The following SNRPN variants were observed in gnomAD, a reference collection of about 807,000 sequenced individuals.
SNRPN encodes the protein small nuclear ribonucleoprotein-associated protein N.
Under a neutral mutation model 25.2 loss-of-function variants are expected in SNRPN, and 7 were observed. That is an observed-to-expected ratio of 0.28 (90% CI 0.16 to 0.52). The LOEUF (loss-of-function observed/expected upper bound fraction) is 0.52. Ranked by LOEUF, SNRPN falls within the 20% of genes least tolerant of loss-of-function variation. SNRPN has a pLI of 0.96. For synonymous variants in SNRPN, 124 were observed against 110.6 expected, an observed-to-expected ratio of 1.12 and a Z score of -0.76; for missense variants, 196 against 322.5, an observed-to-expected ratio of 0.61 and a Z score of 3.00.
chr15:24,854,001 T>A (rs2053138642), upstream of SNRPN, among the ~76,000 whole-genome samples: 5 of 152,182 alleles, frequency 3.3e-5, no homozygotes, highest in African/African-American at 7.2e-5. Context: ...TCCATTTGTT[T>A]TATATATTTT....
chr15:24,909,274 A>G, intron 2 of SNRPN: 1 of 1,600,934 alleles, frequency 6.2e-7, no homozygotes, highest in Non-Finnish European at 8.5e-7. Flanking sequence ...TTTCAGAACC[A>G]TAACCAGGGA....
chr15:24,866,515 A>G (rs1035838652), intron 1 of SNRPN, among the ~76,000 whole-genome samples: 1 of 152,174 alleles, frequency 6.6e-6, no homozygotes, highest in Admixed American at 6.5e-5. Flanking sequence ...CTCCTGCCTC[A>G]GCTTCCTGAG....
chr15:24,970,139 G>A (rs2076217504), intron 3 of SNRPN, among the ~76,000 whole-genome samples: 1 of 152,184 alleles, frequency 6.6e-6, no homozygotes, highest in African/African-American at 2.4e-5. Context: ...ACAATCAGAT[G>A]AATTTCTTGG....
intron 1 of SNRPN, among the ~76,000 whole-genome samples, chr15:24,828,806 GA>G (rs894418523): frequency 4.0e-5 from 6 of 151,726 alleles, no homozygotes; most frequent in Admixed American, 1.3e-4. Context: ...TGGAAATCAA[GA>G]AAAAAAATTG....
chr15:24,899,724 A>C (rs1043878567), intron 2 of SNRPN, among the ~76,000 whole-genome samples: 1 of 152,190 alleles, frequency 6.6e-6, no homozygotes, highest in African/African-American at 2.4e-5. Context: ...CCTAAGTGGG[A>C]AGATTTCTGG....
At chr15:24,967,808 G>GAAA (rs35146696) in intron 2 of SNRPN, 124 bp from the exon 3 acceptor site, 308 of 491,310 alleles carry the variant, frequency 6.3e-4, no homozygotes, top group Non-Finnish European at 7.4e-4. Flanking sequence ...ACCCTGTCTG[G>GAAA]AAAAAAAAAA....
intron 3 of SNRPN, among the ~76,000 whole-genome samples, chr15:24,922,751 C>G (rs1272137043): frequency 6.6e-6 from 1 of 151,880 alleles, no homozygotes; most frequent in Non-Finnish European, 1.5e-5. Context: ...ATGGTGTTCT[C>G]TCATTATATA....
intron 2 of SNRPN, among the ~76,000 whole-genome samples, chr15:24,902,882 C>T (rs540667956): frequency 2.6e-5 from 4 of 152,300 alleles, no homozygotes; most frequent in African/African-American, 9.6e-5. Context: ...GCTTCCACAG[C>T]GTGGAAAGGG....
intron 3 of SNRPN, among the ~76,000 whole-genome samples, chr15:24,938,877 G>T (rs964716691): frequency 1.3e-5 from 2 of 152,154 alleles, no homozygotes; most frequent in Non-Finnish European, 2.9e-5. Context: ...TAAGGAGTTG[G>T]CTGGGCTACA....
At chr15:24,974,561 G>C in intron 4 of SNRPN, 105 bp downstream of exon 4, 1 of 1,049,236 alleles carries the variant, frequency 9.5e-7, no homozygotes, top group Non-Finnish European at 1.5e-6. Flanking sequence ...TAGAAATAAG[G>C]ATACATCCAT....
intron 2 of SNRPN, chr15:24,909,033 T>A (rs558095471): frequency 1.4e-6 from 2 of 1,429,112 alleles, no homozygotes; most frequent in Non-Finnish European, 2.0e-6. Flanking sequence ...TTCCACCTCT[T>A]CTTTTTAACT....
chr15:24,892,419 G>T (rs2057749168), intron 2 of SNRPN, among the ~76,000 whole-genome samples: 1 of 152,096 alleles, frequency 6.6e-6, no homozygotes, highest in South Asian at 2.1e-4. Flanking sequence ...GAAGGAAGAG[G>T]TCTTAAGGGA....
chr15:24,844,336 T>C (rs1325316495), intron 2 of SNRPN, among the ~76,000 whole-genome samples: 1 of 152,140 alleles, frequency 6.6e-6, no homozygotes, highest in African/African-American at 2.4e-5. Flanking sequence ...CTGTCACTCT[T>C]CTCATTTCAA....
chr15:24,937,136 G>A (rs1282691044), intron 3 of SNRPN, among the ~76,000 whole-genome samples: 3 of 151,984 alleles, frequency 2.0e-5, no homozygotes, highest in African/African-American at 7.3e-5. Context: ...AGCTACTTGG[G>A]AGGCTGAGGC....
Position 24,972,805 on chromosome 15 carries a change from T to A in SNRPN, c.-143-1506T>A, listed in dbSNP as rs563427010. 9.9e-5 allele frequency among the ~76,000 whole-genome samples: 15 copies of A among 152,220 alleles called. No individual in the cohort carries two copies. The South Asian group carries it at 3.1e-3, about 32-fold the overall frequency. On this transcript the variant is annotated intron_variant, in intron 3 of 9. Coordinates refer to ENST00000390687, the MANE Select transcript of SNRPN (RefSeq NM_003097.6). ...TTACGGTCATGAGCTGCATTAACAA[T>A]TCCGTTCAACAACAGACTGCATATG...
chr15:24,923,509 T>C (rs2060162590), intron 3 of SNRPN, among the ~76,000 whole-genome samples: 2 of 152,140 alleles, frequency 1.3e-5, no homozygotes, highest in South Asian at 4.1e-4. Context: ...GCACAGTTGA[T>C]GAAAAGACAT....
chr15:24,921,806 G>GGTAA (rs1438148020), intron 3 of SNRPN, among the ~76,000 whole-genome samples: 1 of 152,168 alleles, frequency 6.6e-6, no homozygotes, highest in Non-Finnish European at 1.5e-5. Context: ...AGCAGAGGAT[G>GGTAA]TAAGTTACCA....
At chr15:24,908,052 CAAAAAAAA>C (rs71127014) in intron 2 of SNRPN, among the ~76,000 whole-genome samples, 3 of 70,714 alleles carry the variant, frequency 4.2e-5, no homozygotes, top group East Asian at 8.3e-4. Context: ...GACTCCATCT[CAAAAAAAA>C]AAAAAAAAAA....
chr15:24,920,697 G>A (rs2736711), intron 3 of SNRPN: 25,584 of 152,168 alleles, frequency 0.17, 2,488 homozygotes, highest in Admixed American at 0.23. Context: ...AAGGGAGAAC[G>A]TGGGCGGGCA....
Sources: allele counts gnomAD v4.1 joint callset (sites outside exome capture counted in the v4.1 genomes callset), GRCh38; gene constraint gnomAD v4.1.1; transcripts MANE v1.5; gene names NCBI Gene and HGNC (gene_info 2026-07-23, HGNC 2026-07-21).